Variants in MEI1 observed in about 807,000 individuals in gnomAD.
MEI1 encodes the protein meiotic double-stranded break formation protein 1, also known as meiosis inhibitor protein 1.
Under a neutral mutation model 146.2 loss-of-function variants are expected in MEI1, and 103 were observed. The observed-to-expected ratio is 0.70, with a 90% CI of 0.60 to 0.83. MEI1 has a LOEUF of 0.83. MEI1 is among the 40% of genes least tolerant of loss of function. The probability of loss-of-function intolerance (pLI) is 0.00; values close to 1 mark genes in which losing one functional copy is unlikely to be tolerated. For synonymous variants in MEI1, 652 were observed against 628.2 expected (o/e 1.04, Z -0.57); for missense variants, 1,529 against 1,533.0 (o/e 1.00, Z 0.04).
At chr22:41,794,551 C>A (rs1246451791) in intron 28 of MEI1, 74 bp downstream of exon 28, 13 of 1,248,716 alleles carry the variant, frequency 1.0e-5, no homozygotes, top group Non-Finnish European at 1.5e-5. Flanking sequence ...CCAGGGTCTC[C>A]TTACTTTAGG....
At position 41,796,906 on chromosome 22, in the gene MEI1, C is replaced by G. The variant is rs534310848; in HGVS notation, c.3779+1059C>G. Among the ~76,000 whole-genome samples the G allele has an allele frequency of 2.6e-5, 4 of 152,238 alleles. No individual in the cohort carries two copies. In the South Asian group the frequency reaches 6.2e-4, roughly 24 times the overall value. ...AGGGCAGTGAGCCAAGATCACACCA[C>G]TGTACTGCACCCTGGGCGACAAAAC... is the stretch of plus-strand genomic sequence containing the variant. On this transcript the variant is annotated intron_variant, in intron 30 of 30. Transcript: ENST00000401548.
Position 41,784,619 on chromosome 22 carries a change from T to G in MEI1, c.3181T>G (p.Cys1061Gly), listed in dbSNP as rs753185919. The G allele has an allele frequency of 1.2e-6, 2 of 1,612,512 alleles. No individual in the cohort carries two copies. The highest frequency in any genetic ancestry group is 1.7e-6 in the Non-Finnish European group (2 of 1,179,784). The change falls in exon 26 of 31, where the codon TGC (cysteine) becomes GGC (glycine). Residue 1061 changes from cysteine to glycine, a missense_variant. Physicochemically the swap from Cys to Gly is radical, Grantham distance 159. Coordinates refer to ENST00000401548, the MANE Select transcript of MEI1 (RefSeq NM_152513.4). ...TCTCCTGCTTCCAGCTGCCATCTTA[T>G]GCTTCCTGCGGACAGCCCTGCGACA... ...KAALLSAAIL[C>G]FLRTALRQSF...
At chr22:41,735,997 C>T (rs190983257) in intron 11 of MEI1, among the ~76,000 whole-genome samples, 1 of 152,172 alleles carries the variant, frequency 6.6e-6, no homozygotes, top group Non-Finnish European at 1.5e-5. Flanking sequence ...TCTCATGGTT[C>T]TAGGGGGCCA....
intron 6 of MEI1, among the ~76,000 whole-genome samples, chr22:41,721,268 G>T (rs1489918715): frequency 9.1e-6 from 1 of 109,308 alleles, no homozygotes; most frequent in Non-Finnish European, 1.7e-5. Flanking sequence ...TTTTTGAGAC[G>T]GAGTCTCGCT....
chr22:41,724,981 T>A (rs2071192447), intron 7 of MEI1, among the ~76,000 whole-genome samples: 1 of 151,812 alleles, frequency 6.6e-6, no homozygotes, highest in South Asian at 2.1e-4. Flanking sequence ...TTTTTAACTT[T>A]TCGTAGAGAC....
In MEI1 at chr22:41,795,176, G is replaced by A. The variant is rs1409194243; in HGVS notation, c.3535-235G>A. On this transcript the variant is annotated intron_variant, in intron 28 of 30. Coordinates refer to ENST00000401548, the MANE Select transcript of MEI1 (RefSeq NM_152513.4). The surrounding 1 kb of genome is among the most constrained non-coding windows in gnomAD (Gnocchi z 4.2). ...TCAGTGCAAGGTTGGGTAGGAGGGAGCCAAGGCCAAAGGGGTCAGGAGGGC... is the reference window on the plus strand; with the variant it reads ...TCAGTGCAAGGTTGGGTAGGAGGGAACCAAGGCCAAAGGGGTCAGGAGGGC... Among the ~76,000 whole-genome samples, 3 of 152,154 alleles carry A rather than the reference G, an allele frequency of 2.0e-5. No individual in the cohort carries two copies. Among genetic ancestry groups the A allele is most frequent in the Non-Finnish European group, 4.4e-5 (3 of 68,032 alleles).
At chr22:41,765,883 CTTT>C (rs1013045266) in intron 19 of MEI1, among the ~76,000 whole-genome samples, 9 of 86,132 alleles carry the variant, frequency 1.0e-4, no homozygotes, top group East Asian at 3.2e-4. Flanking sequence ...CCAAAATGTT[CTTT>C]TTTTTTTTTT....
At chr22:41,726,888 C>T (rs2071405284) in intron 7 of MEI1, among the ~76,000 whole-genome samples, 1 of 151,986 alleles carries the variant, frequency 6.6e-6, no homozygotes, top group Non-Finnish European at 1.5e-5. Flanking sequence ...ATTCCCCTGC[C>T]TCAGCCTCCC....
At chr22:41,789,331 A>G (rs1421117355) in intron 26 of MEI1, among the ~76,000 whole-genome samples, 1 of 151,952 alleles carries the variant, frequency 6.6e-6, no homozygotes, top group Non-Finnish European at 1.5e-5. Flanking sequence ...ATAAATAAAA[A>G]ATAAAATACT....
At chr22:41,746,637 C>T (rs1219760659) in intron 14 of MEI1, among the ~76,000 whole-genome samples, 1 of 152,214 alleles carries the variant, frequency 6.6e-6, no homozygotes, top group African/African-American at 2.4e-5. Flanking sequence ...GCTGCTGACT[C>T]TGGGTAACCT....
At chr22:41,713,673 C>T (rs1324196445) in intron 3 of MEI1, among the ~76,000 whole-genome samples, 1 of 152,174 alleles carries the variant, frequency 6.6e-6, no homozygotes, top group Non-Finnish European at 1.5e-5. Context: ...CTCAACCTCC[C>T]GAGTAGCTGG....
At chr22:41,716,619 G>A (rs1178523227) in intron 5 of MEI1, among the ~76,000 whole-genome samples, 2 of 149,990 alleles carry the variant, frequency 1.3e-5, no homozygotes, top group South Asian at 2.1e-4. Context: ...CAGGTGATCC[G>A]CCTGCCTCAG....
In MEI1 at chr22:41,781,709, C is replaced by G; in HGVS notation, c.2951C>G (p.Thr984Arg). 1 of 1,613,646 alleles carries G rather than the reference C, an allele frequency of 6.2e-7. No homozygotes were observed. The highest frequency in any genetic ancestry group is 8.5e-7 in the Non-Finnish European group (1 of 1,179,882). ...GCTGCTGCAGTGCTCCTGAGCAGCA[C>G]AGGCCTGATGGAGCTTCTGGAGAAG... is the stretch of plus-strand genomic sequence containing the variant. ...KRAAAVLLSS[T>R]GLMELLEKML... The change falls in exon 24 of 31, where the codon ACA becomes AGA. Residue 984 changes from threonine (T) to arginine (R), a missense_variant. By Grantham distance (71) the Thr-to-Arg change is moderately conservative. This residue lies in a region of MEI1 where 4 missense variants were observed against 16.8 expected (regional missense o/e 0.24). Transcript: ENST00000401548.
chr22:41,712,671 G>GGTGTGT (rs1191178804), intron 3 of MEI1, among the ~76,000 whole-genome samples: 2,451 of 56,250 alleles, frequency 0.044, 74 homozygotes, highest in African/African-American at 0.16. Flanking sequence ...AATAGAAATA[G>GGTGTGT]ATGTGTGTGT....
intron 6 of MEI1, chr22:41,722,209 C>G (rs1006325304): frequency 6.6e-6 from 1 of 151,778 alleles, no homozygotes; most frequent in Non-Finnish European, 1.5e-5. Flanking sequence ...ATCCTTTGGA[C>G]CCTTGAAGCA....
intron 30 of MEI1, among the ~76,000 whole-genome samples, chr22:41,796,489 C>T (rs1039304565): frequency 1.3e-5 from 2 of 151,942 alleles, no homozygotes; most frequent in African/African-American, 2.4e-5. Context: ...CCACCATGCC[C>T]GGCTACATGC....
At chr22:41,736,807 T>C (rs1225746225) in intron 11 of MEI1, among the ~76,000 whole-genome samples, 2 of 152,160 alleles carry the variant, frequency 1.3e-5, no homozygotes, top group Non-Finnish European at 2.9e-5. Flanking sequence ...GAAAATAACA[T>C]AGGTTCCTGG....
intron 26 of MEI1, among the ~76,000 whole-genome samples, chr22:41,789,374 G>A (rs910805556): frequency 2.0e-5 from 3 of 152,116 alleles, no homozygotes; most frequent in African/African-American, 7.2e-5. Flanking sequence ...ATGTTGTCCA[G>A]GCTGGTCTTG....
intron 4 of MEI1, among the ~76,000 whole-genome samples, chr22:41,714,362 T>G (rs1263897381): frequency 6.6e-6 from 1 of 152,200 alleles, no homozygotes; most frequent in Non-Finnish European, 1.5e-5. Flanking sequence ...CGTGACTTCC[T>G]AATTATAATA....
Sources: gnomAD v4.1 joint callset for allele counts (sites outside exome capture counted in the v4.1 genomes callset) on GRCh38, gnomAD v4.1.1 for gene constraint, gnomAD v4.1.1 regional missense constraint, Gnocchi (gnomAD v3.1) non-coding constraint, MANE v1.5 for transcripts, NCBI Gene and HGNC (gene_info 2026-07-23, HGNC 2026-07-21) for gene names.